Variants in CMPK2 observed in about 807,000 individuals in gnomAD.
The protein encoded by CMPK2 is UMP-CMP kinase 2, mitochondrial.
A neutral mutation model predicts 33.4 loss-of-function variants in CMPK2; 32 were observed. The ratio of observed to expected loss-of-function variants is 0.96; its 90% CI spans 0.72 to 1.29. CMPK2 has a LOEUF of 1.29. Ranked by LOEUF, CMPK2 falls within the 50% of genes most tolerant of loss-of-function variation. CMPK2 has a pLI of 0.00. For missense variants in CMPK2, 672 were observed against 616.0 expected (o/e 1.09, Z -0.96); for synonymous variants, 299 against 275.3 (o/e 1.09, Z -0.85).
chr2:6,844,346 T>C (rs1200849997), downstream of CMPK2, among the ~76,000 whole-genome samples: 1 of 152,184 alleles, frequency 6.6e-6, no homozygotes, highest in Non-Finnish European at 1.5e-5. Flanking sequence ...CCTTTTGATA[T>C]CGGGGCTGCC....
At chr2:6,846,511 A>G (rs531990769), downstream of CMPK2, among the ~76,000 whole-genome samples, 1 of 152,362 alleles carries the variant, frequency 6.6e-6, no homozygotes, top group Non-Finnish European at 1.5e-5. Flanking sequence ...CTACTCCGCA[A>G]GATTATATCC....
Position 6,865,518 on chromosome 2 carries a change from G to T in CMPK2, c.179C>A (p.Pro60His), listed in dbSNP as rs748467041. ...DAPGDADAPD[P>H]RLAALLGPPE... ...GGGCCCCAGCAGCGCCGCCAGGCGG[G>T]GGTCGGGGGCGTCTGCGTCGCCGGG... Residue 60 changes from proline (P) to histidine (H), a missense_variant, in exon 1 of 5, where the codon CCC becomes CAC. Coordinates refer to ENST00000256722, the MANE Select transcript of CMPK2 (RefSeq NM_207315.4). 7.8e-7 allele frequency: 1 copy of T among 1,276,772 alleles called. No homozygotes were observed. The highest frequency in any genetic ancestry group is 2.6e-5 in the South Asian group (1 of 39,164). 79.1% of individuals were successfully genotyped at this position (1,276,772 alleles called of 1,614,324 possible). A position where few individuals can be genotyped will look rare whatever the true frequency, so the allele number is the denominator to read the frequency against.
intron 1 of CMPK2, 70 bp from the exon 2 acceptor site, chr2:6,863,648 G>A (rs1309324125): frequency 2.7e-6 from 3 of 1,121,330 alleles, no homozygotes; most frequent in African/African-American, 1.6e-5. Context: ...CTAAATTGCT[G>A]AGCACAATAT....
At chr2:6,843,652 G>A (rs969172667), downstream of CMPK2, among the ~76,000 whole-genome samples, 4 of 152,150 alleles carry the variant, frequency 2.6e-5, no homozygotes, top group African/African-American at 9.7e-5. Context: ...TAAGGATGGT[G>A]GCTCCCATAT....
At chr2:6,842,266 C>G (rs574747502) in intron 3 of CMPK2, among the ~76,000 whole-genome samples, 1 of 152,312 alleles carries the variant, frequency 6.6e-6, no homozygotes, top group African/African-American at 2.4e-5. Context: ...TGGCTGAGTT[C>G]AGGAAAGGAC....
In CMPK2 at chr2:6,861,173, T is replaced by C. The variant is rs1662869231; in HGVS notation, c.992+11A>G. 6 of 1,610,780 alleles carry C rather than the reference T, an allele frequency of 3.7e-6. No homozygotes were observed. Among genetic ancestry groups the C allele is most frequent in the Non-Finnish European group, 5.1e-6 (6 of 1,177,064 alleles). ...GAGAAAATGCCTAATTCAAGGCATC[T>C]TTATACCTACCTGTCTACAATCACA... On this transcript the variant is annotated intron_variant, in intron 3 of 4. Coordinates refer to ENST00000256722, the MANE Select transcript of CMPK2 (RefSeq NM_207315.4).
chr2:6,858,373 A>T (rs1368468482), intron 3 of CMPK2, among the ~76,000 whole-genome samples: 1 of 151,952 alleles, frequency 6.6e-6, no homozygotes, highest in African/African-American at 2.4e-5. Context: ...CATCTTATGT[A>T]TTATTTTATG....
chr2:6,866,359 C>G, upstream of CMPK2: 2 of 867,922 alleles, frequency 2.3e-6, no homozygotes, highest in Non-Finnish European at 2.8e-6. Flanking sequence ...GCTCTTCCCT[C>G]TCCTGTATCT....
intron 3 of CMPK2, 21 bp from the exon 4 acceptor site, chr2:6,851,704 G>C (rs376917956): frequency 1.2e-6 from 2 of 1,606,738 alleles, no homozygotes; most frequent in Non-Finnish European, 1.7e-6. Flanking sequence ...ATGGGGTAGT[G>C]AGTTCTCTGT....
intron 1 of CMPK2, among the ~76,000 whole-genome samples, chr2:6,864,155 A>G (rs986264105): frequency 3.9e-5 from 6 of 152,074 alleles, no homozygotes; most frequent in African/African-American, 1.2e-4. Flanking sequence ...GAGCATGGCA[A>G]TCTTCTAAGT....
rs367628383 is a variant in CMPK2 at position 6,849,838 on chromosome 2, T to G, written c.*12A>C. 3.2e-5 allele frequency: 52 copies of G among 1,613,668 alleles called. No individual in the cohort carries two copies. Among genetic ancestry groups the G allele is most frequent in the Non-Finnish European group, 4.2e-5 (49 of 1,179,886 alleles). The stretch of plus-strand genomic sequence containing the variant: ...ATCTAATCTAGTTAGACGTGGCACC[T>G]GGCCAGAGTAACTACGGTTCACTAA... On this transcript the variant is annotated 3_prime_UTR_variant, in exon 5 of 5. Transcript: ENST00000256722.
At chr2:6,844,118 G>A (rs1662297934), downstream of CMPK2, among the ~76,000 whole-genome samples, 1 of 152,174 alleles carries the variant, frequency 6.6e-6, no homozygotes, top group African/African-American at 2.4e-5. Flanking sequence ...CCCCTTTTAA[G>A]TGCCCCAGTT....
Position 6,851,550 on chromosome 2 carries a change from T to C in CMPK2, c.1126A>G (p.Thr376Ala). The C allele has an allele frequency of 1.9e-6, 3 of 1,614,198 alleles. No homozygotes were observed. In the South Asian group the frequency reaches 3.3e-5, roughly 18 times the overall value. ...TGCAACCTCTCCTCAGGACTCACAG[T>C]GAGCAGCAGGATAAGGTCAGGTTTG... ...LLKPDLILLL[T>A]VSPEERLQRL... The change falls in exon 4 of 5, where the codon ACT (threonine) becomes GCT (alanine). Residue 376 changes from threonine (T) to alanine (A), a missense_variant. By Grantham distance (58) the Thr-to-Ala change is moderately conservative. Transcript: ENST00000256722.
Position 6,865,544 on chromosome 2 carries a change from G to T in CMPK2, c.153C>A (p.Ala51=), listed in dbSNP as rs1663050896. 3.8e-6 allele frequency: 5 copies of T among 1,306,320 alleles called. No individual in the cohort carries two copies. Among genetic ancestry groups the T allele is most frequent in the Non-Finnish European group, 3.9e-6 (4 of 1,032,736 alleles). 80.9% of individuals were successfully genotyped at this position (1,306,320 alleles called of 1,614,324 possible). ...GGTCGGGGGCGTCTGCGTCGCCGGG[G>T]GCGTCGGCGCCTAGGGCGAAGTGAG... is the stretch of plus-strand genomic sequence containing the variant. The part of the protein sequence containing the change: ...TLAHFALGAD[A]PGDADAPDPR... Residue 51 remains alanine, a synonymous_variant, in exon 1 of 5, where the codon GCC becomes GCA. Coordinates refer to ENST00000256722, the MANE Select transcript of CMPK2 (RefSeq NM_207315.4).
intron 2 of CMPK2, 49 bp downstream of exon 2, chr2:6,863,415 C>A: frequency 6.7e-7 from 1 of 1,493,428 alleles, no homozygotes; most frequent in South Asian, 1.1e-5. Flanking sequence ...GTTTCTGCAA[C>A]TAATCAGTTA....
chr2:6,861,454 C>G, intron 2 of CMPK2, 69 bp from the exon 3 acceptor site: 5 of 1,167,724 alleles, frequency 4.3e-6, no homozygotes, highest in Non-Finnish European at 5.0e-6. Context: ...GTAGAAAGAG[C>G]ACAGACGTTC....
At chr2:6,859,067 G>C (rs915350426) in intron 3 of CMPK2, among the ~76,000 whole-genome samples, 17 of 152,238 alleles carry the variant, frequency 1.1e-4, no homozygotes, top group African/African-American at 4.1e-4. Context: ...GGTAACTCTT[G>C]TTATGCTTTA....
rs754647804 is a variant in CMPK2, at chr2:6,861,216, T to C, written c.960A>G (p.Lys320=). Residue 320 remains lysine, a synonymous_variant, in exon 3 of 5, where the codon AAA becomes AAG. Transcript: ENST00000256722. The part of the protein sequence containing the change: ...GNYIVASEIA[K]ESAKSPVIVD... ...CAATCACAGGAGATTTGGCAGATTC[T>C]TTAGCTATTTCGGAGGCCACAATAT... is the stretch of plus-strand genomic sequence containing the variant. 5.0e-6 allele frequency: 8 copies of C among 1,614,172 alleles called. No homozygotes were observed. Among genetic ancestry groups the C allele is most frequent in the Non-Finnish European group, 6.8e-6 (8 of 1,180,016 alleles).
intron 3 of CMPK2, among the ~76,000 whole-genome samples, chr2:6,859,416 C>T (rs1298055846): frequency 6.6e-6 from 1 of 152,168 alleles, no homozygotes; most frequent in Non-Finnish European, 1.5e-5. Flanking sequence ...TCTGCTGCTG[C>T]CCCTCCCATC....
Sources: allele counts gnomAD v4.1 joint callset (sites outside exome capture counted in the v4.1 genomes callset), GRCh38; gene constraint gnomAD v4.1.1; transcripts MANE v1.5; gene names NCBI Gene and HGNC (gene_info 2026-07-23, HGNC 2026-07-21).